Variants in PTAR1 observed in about 807,000 individuals in gnomAD.
The protein encoded by PTAR1 is protein prenyltransferase alpha subunit repeat-containing protein 1.
In PTAR1, 17 loss-of-function variants were observed where a neutral mutation model predicts 45.5. The observed-to-expected ratio is 0.37, with a 90% CI of 0.26 to 0.56. The LOEUF (loss-of-function observed/expected upper bound fraction) is 0.56. PTAR1 is among the 20% of genes least tolerant of loss of function. The pLI, the probability that PTAR1 is intolerant of heterozygous loss-of-function variation, is 0.77. For synonymous variants in PTAR1, 169 were observed against 171.3 expected, an observed-to-expected ratio of 0.99 and a Z score of 0.11; for missense variants, 391 against 476.3, an observed-to-expected ratio of 0.82 and a Z score of 1.67.
At position 69,718,545 on chromosome 9, in the gene PTAR1, T is replaced by C. The variant is rs200312685; in HGVS notation, c.1006A>G (p.Met336Val). ...LNAGSQLSQAMEVDGLNDSSK... is the reference protein window; with the variant it reads ...LNAGSQLSQAVEVDGLNDSSK... Reference sequence around the variant, plus strand: ...GAGTCATTCAGTCCATCTACTTCCATTGCTTGAGACAGCTGGGAGCCTGCT... The same window carrying C: ...GAGTCATTCAGTCCATCTACTTCCACTGCTTGAGACAGCTGGGAGCCTGCT... The change falls in exon 8 of 8, where the codon ATG (methionine) becomes GTG (valine). Residue 336 changes from methionine (M) to valine (V), a missense_variant. Transcript: ENST00000340434. 687 of 1,613,594 alleles carry C rather than the reference T, an allele frequency of 4.3e-4. No homozygotes were observed. Among genetic ancestry groups the C allele is most frequent in the Non-Finnish European group, 5.4e-4 (638 of 1,179,726 alleles).
intron 5 of PTAR1, among the ~76,000 whole-genome samples, chr9:69,725,905 C>A (rs749338949): frequency 6.6e-6 from 1 of 151,870 alleles, no homozygotes; most frequent in Non-Finnish European, 1.5e-5. Context: ...GTATGATATA[C>A]GTTAAATATC....
rs1824781011 is a variant in PTAR1 at position 69,717,619 on chromosome 9, T to C, written c.*723A>G. 1 of 152,232 alleles carries C rather than the reference T, an allele frequency of 6.6e-6. No individual in the cohort carries two copies. The highest frequency in any genetic ancestry group is 6.5e-5 in the Admixed American group (1 of 15,274). The allele number at this position is 152,232 out of a possible 1,614,324, so 9.4% of individuals were successfully genotyped here. On this transcript the variant is annotated 3_prime_UTR_variant, in exon 8 of 8. Transcript: ENST00000340434. ...AGAACTAGTTTACATTTTTAAACATTCGCCCATCTAGCCATTTGATTCTCA... is the reference window on the plus strand; with the variant it reads ...AGAACTAGTTTACATTTTTAAACATCCGCCCATCTAGCCATTTGATTCTCA...
chr9:69,745,983 A>G (rs1161140008), intron 2 of PTAR1, among the ~76,000 whole-genome samples: 2 of 152,200 alleles, frequency 1.3e-5, no homozygotes, highest in Non-Finnish European at 2.9e-5. Context: ...TTGACTTTTA[A>G]GAATCTTCGA....
chr9:69,745,798 T>C (rs1826249958), intron 2 of PTAR1, among the ~76,000 whole-genome samples: 2 of 152,232 alleles, frequency 1.3e-5, no homozygotes, highest in Non-Finnish European at 2.9e-5. Flanking sequence ...GATTAAATCC[T>C]TGAAGTGTTA....
chr9:69,752,021 A>T (rs1007282933), intron 1 of PTAR1, among the ~76,000 whole-genome samples: 1 of 152,138 alleles, frequency 6.6e-6, no homozygotes, highest in African/African-American at 2.4e-5. Flanking sequence ...TACACAAAGG[A>T]TCCTTTCTCA....
intron 3 of PTAR1, among the ~76,000 whole-genome samples, chr9:69,735,802 T>C (rs374869353): frequency 2.0e-5 from 3 of 152,042 alleles, no homozygotes; most frequent in African/African-American, 4.8e-5. Context: ...TCTTATACCA[T>C]ATCTACTTAG....
chr9:69,723,411 G>C lies in PTAR1; in HGVS notation c.862C>G (p.Leu288Val). The C allele has an allele frequency of 1.2e-6, 2 of 1,613,812 alleles. No homozygotes were observed. The highest frequency in any genetic ancestry group is 1.7e-6 in the Non-Finnish European group (2 of 1,179,750). ...AVSTEEPRIN[L>V]PHLLEEEVEF... ...ACTTCTTCTTCTAGAAGATGGGGAA[G>C]ATTAATCCTTGGTTCTTCTGTTGAA... is the stretch of plus-strand genomic sequence containing the variant. The change falls in exon 6 of 8, where the codon CTT becomes GTT. Residue 288 changes from leucine to valine, a missense_variant. Coordinates refer to ENST00000340434, the MANE Select transcript of PTAR1 (RefSeq NM_001099666.2).
chr9:69,714,765 G>A lies in PTAR1; in HGVS notation c.*3577C>T, dbSNP rs1564121001. On this transcript the variant is annotated 3_prime_UTR_variant, in exon 8 of 8. Transcript: ENST00000340434. ...AGTGAGAACTGTACCATAGGAATAA[G>A]AAATATGACTGAAAGTCTGGGCCCA... 1 of 152,004 alleles carries A rather than the reference G, an allele frequency of 6.6e-6. No individual in the cohort carries two copies. Among genetic ancestry groups the A allele is most frequent in the Non-Finnish European group, 1.5e-5 (1 of 67,980 alleles). 9.4% of individuals were successfully genotyped at this position (152,004 alleles called of 1,614,324 possible).
intron 5 of PTAR1, among the ~76,000 whole-genome samples, chr9:69,724,783 C>A (rs566780064): frequency 6.6e-6 from 1 of 152,226 alleles, no homozygotes; most frequent in East Asian, 1.9e-4. Flanking sequence ...TCCCCCTATA[C>A]CTACTGACAT....
At position 69,714,851 on chromosome 9, in the gene PTAR1, A is replaced by G. The variant is rs1301602527; in HGVS notation, c.*3491T>C. 3 of 152,140 alleles carry G rather than the reference A, an allele frequency of 2.0e-5. No homozygotes were observed. The highest frequency in any genetic ancestry group is 1.9e-4 in the East Asian group (1 of 5,194). The allele number at this position is 152,140 out of a possible 1,614,324, so 9.4% of individuals were successfully genotyped here. On this transcript the variant is annotated 3_prime_UTR_variant, in exon 8 of 8. Transcript: ENST00000340434. ...CAGAAGACAAAGGGGACATTAATACATATCAAATCCCTAAGCTTAAAAAAT... is the reference window on the plus strand; with the variant it reads ...CAGAAGACAAAGGGGACATTAATACGTATCAAATCCCTAAGCTTAAAAAAT...
chr9:69,710,388 A>C lies in PTAR1; in HGVS notation c.*7954T>G, dbSNP rs1824480530. Reference sequence around the variant, plus strand: ...AATTAATTTTGCTTGTTTCTTTTTTAATATGGCTACTAGAAAATTAAAAAT... The same window carrying C: ...AATTAATTTTGCTTGTTTCTTTTTTCATATGGCTACTAGAAAATTAAAAAT... On this transcript the variant is annotated 3_prime_UTR_variant, in exon 8 of 8. Transcript: ENST00000340434. 6.6e-6 allele frequency: 1 copy of C among 152,142 alleles called. No individual in the cohort carries two copies. The highest frequency in any genetic ancestry group is 2.1e-4 in the South Asian group (1 of 4,832). 9.4% of individuals were successfully genotyped at this position (152,142 alleles called of 1,614,324 possible). A position where few individuals can be genotyped will look rare whatever the true frequency, so the allele number is the denominator to read the frequency against.
At chr9:69,730,047 T>C (rs1474369968) in intron 5 of PTAR1, among the ~76,000 whole-genome samples, 2 of 152,176 alleles carry the variant, frequency 1.3e-5, no homozygotes, top group Non-Finnish European at 1.5e-5. Context: ...TTTTTGTGAT[T>C]ACCTCCTGTA....
At chr9:69,724,674 A>T (rs1453181384) in intron 5 of PTAR1, among the ~76,000 whole-genome samples, 1 of 151,974 alleles carries the variant, frequency 6.6e-6, no homozygotes, top group Admixed American at 6.6e-5. Context: ...TATGTATTCC[A>T]TCACATTTAT....
At chr9:69,731,886 C>T in intron 5 of PTAR1, 1 of 505,516 alleles carries the variant, frequency 2.0e-6, no homozygotes, top group Non-Finnish European at 3.5e-6. Context: ...TATGCTCAAT[C>T]TTCCTCAGTT....
Position 69,726,897 on chromosome 9 carries a change from T to C in PTAR1, c.643-3267A>G, listed in dbSNP as rs1342890071. Among the ~76,000 whole-genome samples the C allele has an allele frequency of 3.9e-5, 6 of 151,924 alleles. 1 individual carries two copies. Among genetic ancestry groups the C allele is most frequent in the Admixed American group, 3.9e-4 (6 of 15,250 alleles). Reference sequence around the variant, plus strand: ...TGTGTTATAAATATTATTTTCGATATATTACTGCAACTGATTTTTTAAATT... The same window carrying C: ...TGTGTTATAAATATTATTTTCGATACATTACTGCAACTGATTTTTTAAATT... On this transcript the variant is annotated intron_variant, in intron 5 of 7. Transcript: ENST00000340434.
Position 69,723,466 on chromosome 9 carries a change from T to C in PTAR1, c.807A>G (p.Leu269=). ...EQNPLRSEPA[L]VPPKDEEAAV... is the part of the protein sequence containing the mutation. ...CTGCTTCTTCATCTTTTGGAGGAAC[T>C]AGGGCTGGCTCACTTCTCAAAGGAT... Residue 269 remains leucine, a synonymous_variant, in exon 6 of 8, where the codon CTA becomes CTG. Coordinates refer to ENST00000340434, the MANE Select transcript of PTAR1 (RefSeq NM_001099666.2). 2 of 1,613,920 alleles carry C rather than the reference T, an allele frequency of 1.2e-6. No homozygotes were observed. The highest frequency in any genetic ancestry group is 1.7e-6 in the Non-Finnish European group (2 of 1,179,850).
intron 2 of PTAR1, among the ~76,000 whole-genome samples, chr9:69,743,000 T>A (rs1027107286): frequency 6.6e-6 from 1 of 152,122 alleles, no homozygotes; most frequent in Non-Finnish European, 1.5e-5. Context: ...AGGATTAAGG[T>A]TATCTATCTA....
At position 69,739,726 on chromosome 9, in the gene PTAR1, C is replaced by A. The variant is rs1055303912; in HGVS notation, c.323+2066G>T. 2.6e-5 allele frequency among the ~76,000 whole-genome samples: 4 copies of A among 152,136 alleles called. No homozygotes were observed. The East Asian group carries it at 7.7e-4, about 29-fold the overall frequency. On this transcript the variant is annotated intron_variant, in intron 3 of 7. Coordinates refer to ENST00000340434, the MANE Select transcript of PTAR1 (RefSeq NM_001099666.2). ...ACTTTGAAGTTGGTAGTTTGTTGCT[C>A]AAAATGTACCTATGATTTGATGTCT...
At chr9:69,719,079 C>T (rs950953542) in intron 6 of PTAR1, among the ~76,000 whole-genome samples, 1 of 152,126 alleles carries the variant, frequency 6.6e-6, no homozygotes, top group Non-Finnish European at 1.5e-5. Flanking sequence ...TCCTAGAAGA[C>T]AAGTGATTCA....
Sources: gnomAD v4.1 joint callset for allele counts (sites outside exome capture counted in the v4.1 genomes callset) on GRCh38, gnomAD v4.1.1 for gene constraint, MANE v1.5 for transcripts, NCBI Gene and HGNC (gene_info 2026-07-23, HGNC 2026-07-21) for gene names.